OPRM1: variants seen among roughly 807,000 people sequenced by gnomAD.
OPRM1 encodes the protein mu-type opioid receptor.
OPRM1 carries 27 observed loss-of-function variants against 31.8 expected under a neutral mutation model. The observed-to-expected ratio is 0.85, with a 90% CI of 0.63 to 1.17. The LOEUF is 1.17. Ranked by LOEUF, OPRM1 falls within the 50% of genes most tolerant of loss-of-function variation. The pLI, the probability that OPRM1 is intolerant of heterozygous loss-of-function variation, is 0.00. For synonymous variants in OPRM1, 196 were observed against 189.9 expected (o/e 1.03, Z -0.26); for missense variants, 536 against 511.1 (o/e 1.05, Z -0.47).
chr6:154,163,821 G>A (rs1734394950), intron 3 of OPRM1, among the ~76,000 whole-genome samples: 1 of 152,096 alleles, frequency 6.6e-6, no homozygotes, highest in Non-Finnish European at 1.5e-5. Context: ...TAGATCAATA[G>A]CTGGATAGAT....
chr6:154,025,486 T>C (rs1244651400), intron 1 of OPRM1, among the ~76,000 whole-genome samples: 4 of 152,064 alleles, frequency 2.6e-5, no homozygotes, highest in African/African-American at 9.7e-5. Flanking sequence ...TCAGCTACTC[T>C]TTATGTTTTG....
chr6:154,090,200 AG>A (rs1484199639), intron 2 of OPRM1, 22 bp downstream of exon 2: 1 of 1,525,072 alleles, frequency 6.6e-7, no homozygotes, highest in South Asian at 1.2e-5. Flanking sequence ...TACCAGCCTG[AG>A]GGAAGGAGGG....
intron 3 of OPRM1, among the ~76,000 whole-genome samples, chr6:154,245,810 T>C (rs1000838631): frequency 6.6e-6 from 1 of 152,328 alleles, no homozygotes; most frequent in African/African-American, 2.4e-5. Context: ...AAACGTCTCC[T>C]CATTCGACAT....
At chr6:154,180,410 A>ATTTTT (rs1203931756) in intron 3 of OPRM1, among the ~76,000 whole-genome samples, 1 of 40,412 alleles carries the variant, frequency 2.5e-5, no homozygotes, top group African/African-American at 1.3e-4. Context: ...ATATATATAT[A>ATTTTT]TATATTTTTT....
intron 1 of OPRM1, among the ~76,000 whole-genome samples, chr6:154,025,703 G>C (rs1778653890): frequency 6.6e-6 from 1 of 151,664 alleles, no homozygotes; most frequent in African/African-American, 2.4e-5. Context: ...GTGTATTTTG[G>C]GGAGGGGTTA....
chr6:154,142,444 C>A (rs916006656), intron 3 of OPRM1, among the ~76,000 whole-genome samples: 1 of 152,036 alleles, frequency 6.6e-6, no homozygotes. Context: ...ACACCTCAGG[C>A]GAGCATGTGT....
At chr6:154,118,638 C>T in intron 3 of OPRM1, 45 bp from the exon 4 acceptor site, 4 of 1,591,194 alleles carry the variant, frequency 2.5e-6, no homozygotes, top group Non-Finnish European at 2.6e-6. Flanking sequence ...TGTGTTGCAA[C>T]CGTATCTGAA....
At chr6:154,038,636 G>A (rs575256635), upstream of OPRM1, among the ~76,000 whole-genome samples, 8 of 152,268 alleles carry the variant, frequency 5.3e-5, no homozygotes, top group African/African-American at 1.9e-4. Context: ...AGATGTGAAA[G>A]ATCAACATTA....
intron 3 of OPRM1, among the ~76,000 whole-genome samples, chr6:154,103,826 T>G (rs1404427452): frequency 6.6e-6 from 1 of 152,158 alleles, no homozygotes; most frequent in East Asian, 1.9e-4. Flanking sequence ...TGTTGCCATT[T>G]TGGTTTTCAT....
chr6:154,240,932 A>T (rs184694335), intron 3 of OPRM1, among the ~76,000 whole-genome samples: 377 of 152,250 alleles, frequency 2.5e-3, no homozygotes, highest in Admixed American at 3.9e-3. Context: ...GTTTGTCTAA[A>T]GTTTTTATGA....
At chr6:154,189,095 A>T (rs1164101031) in intron 3 of OPRM1, among the ~76,000 whole-genome samples, 1 of 152,250 alleles carries the variant, frequency 6.6e-6, no homozygotes, top group Non-Finnish European at 1.5e-5. Flanking sequence ...AGTATCCAGA[A>T]TGTATACATT....
At chr6:154,104,504 T>G (rs964060869) in intron 3 of OPRM1, among the ~76,000 whole-genome samples, 1 of 152,224 alleles carries the variant, frequency 6.6e-6, no homozygotes, top group Non-Finnish European at 1.5e-5. Context: ...ATCCCTCTTG[T>G]TTCTTCTAAG....
rs565972051 is a variant in OPRM1, at chr6:154,111,810, A to AG, written c.1165-6872dup. Among the ~76,000 whole-genome samples the AG allele has an allele frequency of 3.0e-4, 45 of 152,066 alleles. No homozygotes were observed. In the East Asian group the frequency reaches 7.9e-3, roughly 27 times the overall value. The stretch of plus-strand genomic sequence containing the variant: ...GAGACCGAGTCTCGCTCTGTCGCCC[A>AG]GCTGGAGTGCAGTGGTGCCATCTCG... On this transcript the variant is annotated intron_variant, in intron 3 of 3. Transcript: ENST00000330432.
intron 1 of OPRM1, among the ~76,000 whole-genome samples, chr6:154,057,456 C>T (rs1278053121): frequency 6.6e-6 from 1 of 152,152 alleles, no homozygotes; most frequent in East Asian, 1.9e-4. Context: ...GGTTTATTGC[C>T]ATCAATTACT....
At chr6:154,178,543 G>T (rs917694714) in intron 3 of OPRM1, among the ~76,000 whole-genome samples, 3 of 151,946 alleles carry the variant, frequency 2.0e-5, no homozygotes, top group Non-Finnish European at 2.9e-5. Flanking sequence ...ACTTTGGGTT[G>T]GGCAACTGTG....
Position 154,091,547 on chromosome 6 carries a change from G to T in OPRM1, c.1164+75G>T. On this transcript the variant is annotated intron_variant, in intron 3 of 3. Transcript: ENST00000330432. ...TATAAGGCTTTGTGCTAAACTAGGA[G>T]TTTAATCCATTATAGAGGATGAGAA... 3 of 1,508,090 alleles carry T rather than the reference G, an allele frequency of 2.0e-6. No individual in the cohort carries two copies. The South Asian group carries it at 4.0e-5, about 20-fold the overall frequency. The allele number at this position is 1,508,090 out of a possible 1,614,324, so 93.4% of individuals were successfully genotyped here.
chr6:154,160,259 G>A (rs1950005), intron 3 of OPRM1, among the ~76,000 whole-genome samples: 78,762 of 151,964 alleles, frequency 0.52, 20,645 homozygotes, highest in Middle Eastern at 0.61. Flanking sequence ...AGAGTTAGTG[G>A]AAGAGCTAGA....
chr6:154,062,685 A>C (rs1159041590), intron 1 of OPRM1, among the ~76,000 whole-genome samples: 1 of 152,038 alleles, frequency 6.6e-6, no homozygotes, highest in Non-Finnish European at 1.5e-5. Context: ...ATAAGTACCT[A>C]ATTTTATATA....
At chr6:154,148,354 CATG>C (rs1798410454) in intron 3 of OPRM1, among the ~76,000 whole-genome samples, 1 of 152,218 alleles carries the variant, frequency 6.6e-6, no homozygotes, top group Non-Finnish European at 1.5e-5. Flanking sequence ...ATGTCCAAAA[CATG>C]ATACCTTATT....
Sources: allele counts gnomAD v4.1 joint callset (sites outside exome capture counted in the v4.1 genomes callset), GRCh38; gene constraint gnomAD v4.1.1; transcripts MANE v1.5; gene names NCBI Gene and HGNC (gene_info 2026-07-23, HGNC 2026-07-21).